EPB41L4A: variants seen among roughly 807,000 people sequenced by gnomAD.
EPB41L4A encodes the protein band 4.1-like protein 4A.
EPB41L4A carries 100 observed loss-of-function variants against 108.6 expected under a neutral mutation model. That is an observed-to-expected ratio of 0.92 (90% CI 0.78 to 1.09). EPB41L4A has a LOEUF of 1.09. Among genes scored for constraint, EPB41L4A ranks in the 50% least tolerant of loss-of-function variants. The probability of loss-of-function intolerance (pLI) is 0.00; values close to 1 mark genes in which losing one functional copy is unlikely to be tolerated. For synonymous variants in EPB41L4A, 319 were observed against 289.0 expected (o/e 1.10, Z -1.05); for missense variants, 1,030 against 842.7 (o/e 1.22, Z -2.75).
At chr5:112,233,326 G>A (rs1233122274) in intron 12 of EPB41L4A, among the ~76,000 whole-genome samples, 1 of 152,238 alleles carries the variant, frequency 6.6e-6, no homozygotes. Context: ...TAACTGAGGG[G>A]AGGAAATGGT....
In EPB41L4A at chr5:112,194,555, ATTGAGATATTACCTGT is replaced by A; in HGVS notation, c.1499_1502+12del. ...TTTCAGAGTGCCAGTTAATTATAAT[ATTGAGATATTACCTGT>A]TTCTCTTTTTCCGGTATTCTCTATT... On this transcript the variant is annotated splice_donor_variant and splice_donor_5th_base_variant and coding_sequence_variant and intron_variant, in exon 17 of 23. Coordinates refer to ENST00000261486, the MANE Select transcript of EPB41L4A (RefSeq NM_022140.5). LOFTEE classifies it high-confidence loss of function. 6.8e-7 allele frequency: 1 copy of A among 1,461,002 alleles called. No homozygotes were observed. The highest frequency in any genetic ancestry group is 9.5e-7 in the Non-Finnish European group (1 of 1,054,100). The allele number at this position is 1,461,002 out of a possible 1,614,324, so 90.5% of individuals were successfully genotyped here.
intron 1 of EPB41L4A, among the ~76,000 whole-genome samples, chr5:112,365,444 T>A (rs901695187): frequency 1.2e-4 from 18 of 152,038 alleles, no homozygotes; most frequent in African/African-American, 4.4e-4. Flanking sequence ...TATTTCTGAT[T>A]TAATATCAAC....
intron 1 of EPB41L4A, among the ~76,000 whole-genome samples, chr5:112,312,688 A>G (rs1755127345): frequency 6.6e-6 from 1 of 152,240 alleles, no homozygotes; most frequent in Non-Finnish European, 1.5e-5. Flanking sequence ...GGTACATATC[A>G]CCAGCTCACA....
chr5:112,324,008 T>C (rs1034786255), intron 1 of EPB41L4A, among the ~76,000 whole-genome samples: 5 of 152,136 alleles, frequency 3.3e-5, no homozygotes, highest in Admixed American at 6.5e-5. Flanking sequence ...TGCAAGAACT[T>C]AGAAGCTACT....
At chr5:112,322,072 T>C (rs1180652707) in intron 1 of EPB41L4A, among the ~76,000 whole-genome samples, 1 of 152,224 alleles carries the variant, frequency 6.6e-6, no homozygotes, top group Non-Finnish European at 1.5e-5. Context: ...TATTATACTT[T>C]ACGTGTACTA....
chr5:112,198,928 C>T (rs531506397), intron 15 of EPB41L4A, among the ~76,000 whole-genome samples: 13 of 151,966 alleles, frequency 8.6e-5, no homozygotes, highest in Non-Finnish European at 1.6e-4. Context: ...CACCCTACAC[C>T]CCATTTGTTT....
chr5:112,262,938 C>T (rs1751595764), intron 6 of EPB41L4A, among the ~76,000 whole-genome samples: 1 of 152,134 alleles, frequency 6.6e-6, no homozygotes, highest in African/African-American at 2.4e-5. Flanking sequence ...TCTCTGTGCA[C>T]CAGCAGCTCT....
chr5:112,378,193 T>C (rs1484085010), intron 1 of EPB41L4A, among the ~76,000 whole-genome samples: 1 of 151,550 alleles, frequency 6.6e-6, no homozygotes, highest in African/African-American at 2.4e-5. Context: ...CTGATACTCC[T>C]GGTATTTCCC....
chr5:112,309,031 G>C (rs1450508833), intron 1 of EPB41L4A, among the ~76,000 whole-genome samples: 1 of 152,086 alleles, frequency 6.6e-6, no homozygotes, highest in Non-Finnish European at 1.5e-5. Context: ...AAGTTTATGA[G>C]CAAATTCTCC....
chr5:112,205,334 C>G (rs529833879), intron 14 of EPB41L4A, 87 bp downstream of exon 14: 4 of 1,132,040 alleles, frequency 3.5e-6, no homozygotes, highest in South Asian at 1.2e-5. Flanking sequence ...GATCAGCCAC[C>G]CAGCAGCTGG....
chr5:112,271,181 C>A (rs1393049572), intron 4 of EPB41L4A, among the ~76,000 whole-genome samples: 5 of 152,080 alleles, frequency 3.3e-5, no homozygotes, highest in Admixed American at 3.3e-4. Context: ...GAAATGCAGG[C>A]TAGAGGGGAT....
At chr5:112,302,568 G>T in intron 2 of EPB41L4A, among the ~76,000 whole-genome samples, 1 of 152,084 alleles carries the variant, frequency 6.6e-6, no homozygotes, top group East Asian at 1.9e-4. Flanking sequence ...CTATGAAGCT[G>T]GTACTATTAC....
At chr5:112,141,879 T>C (rs1250038451), downstream of EPB41L4A, among the ~76,000 whole-genome samples, 1 of 152,170 alleles carries the variant, frequency 6.6e-6, no homozygotes, top group Admixed American at 6.6e-5. Flanking sequence ...TGCATTTCAG[T>C]CACTGAATTT....
At chr5:112,177,708 CA>C (rs147858221) in intron 18 of EPB41L4A, among the ~76,000 whole-genome samples, 5,032 of 151,968 alleles carry the variant, frequency 0.033, 310 homozygotes, top group African/African-American at 0.11. Flanking sequence ...TATATTTTTC[CA>C]ATGTTTCTAA....
In EPB41L4A at chr5:112,280,261, T is replaced by G; in HGVS notation, c.256+11A>C. 1 of 1,613,074 alleles carries G rather than the reference T, an allele frequency of 6.2e-7. No individual in the cohort carries two copies. The highest frequency in any genetic ancestry group is 8.5e-7 in the Non-Finnish European group (1 of 1,179,032). On this transcript the variant is annotated intron_variant, in intron 3 of 22. Transcript: ENST00000261486. ...AGCCACCCTTTAACAAAGTAAAAGC[T>G]AAATACCTACTGTTGATCAGTTCTT...
At chr5:112,160,261 C>T (rs1052753394), downstream of EPB41L4A, among the ~76,000 whole-genome samples, 2 of 152,118 alleles carry the variant, frequency 1.3e-5, no homozygotes, top group Non-Finnish European at 2.9e-5. Context: ...ACACTCATGG[C>T]TCACACTGTT....
chr5:112,359,734 G>A (rs918217077), intron 1 of EPB41L4A, among the ~76,000 whole-genome samples: 2 of 152,112 alleles, frequency 1.3e-5, no homozygotes, highest in Admixed American at 6.5e-5. Context: ...TAGAGACGGG[G>A]TTTCACCGTG....
chr5:112,145,225 G>A (rs1268693168), intron 13 of EPB41L4A, among the ~76,000 whole-genome samples: 1 of 152,182 alleles, frequency 6.6e-6, no homozygotes, highest in Non-Finnish European at 1.5e-5. Flanking sequence ...GGGAGGTGGA[G>A]GTTGCAGTGA....
At chr5:112,158,228 A>G (rs554311382), downstream of EPB41L4A, among the ~76,000 whole-genome samples, 3 of 152,366 alleles carry the variant, frequency 2.0e-5, no homozygotes, top group African/African-American at 7.2e-5. Context: ...CTTTCATAAG[A>G]ACTCAATACA....
Sources: allele counts gnomAD v4.1 joint callset (sites outside exome capture counted in the v4.1 genomes callset), GRCh38; gene constraint gnomAD v4.1.1; transcripts MANE v1.5; gene names NCBI Gene and HGNC (gene_info 2026-07-23, HGNC 2026-07-21).